Variants in DGKB observed in about 807,000 individuals in gnomAD.
The protein encoded by DGKB is 90 kDa diacylglycerol kinase.
DGKB carries 67 observed loss-of-function variants against 114.3 expected under a neutral mutation model. That is an observed-to-expected ratio of 0.59 (90% CI 0.48 to 0.72). DGKB has a LOEUF of 0.72. DGKB is among the 30% of genes least tolerant of loss of function. The pLI, the probability that DGKB is intolerant of heterozygous loss-of-function variation, is 0.00. For synonymous variants in DGKB, 398 were observed against 323.1 expected (o/e 1.23, Z -2.49); for missense variants, 907 against 975.2 (o/e 0.93, Z 0.93).
intron 4 of DGKB, among the ~76,000 whole-genome samples, chr7:14,739,342 G>C (rs745838181): frequency 5.9e-5 from 9 of 152,128 alleles, no homozygotes; most frequent in Non-Finnish European, 1.3e-4. Flanking sequence ...CTCAGACTAA[G>C]GGCTCACATG....
chr7:14,711,638 G>A (rs1025063601), intron 6 of DGKB, among the ~76,000 whole-genome samples: 11 of 152,114 alleles, frequency 7.2e-5, no homozygotes, highest in Non-Finnish European at 1.0e-4. Flanking sequence ...AGAGGTCTTA[G>A]AAATATAAAT....
intron 1 of DGKB, among the ~76,000 whole-genome samples, chr7:14,936,716 C>T (rs1587415264): frequency 6.6e-6 from 1 of 152,114 alleles, no homozygotes; most frequent in East Asian, 1.9e-4. Context: ...CTTAGACTTT[C>T]CTTTGGTAAA....
intron 1 of DGKB, among the ~76,000 whole-genome samples, chr7:14,885,022 G>A (rs1390901610): frequency 6.6e-6 from 1 of 151,940 alleles, no homozygotes; most frequent in Non-Finnish European, 1.5e-5. Flanking sequence ...TAGTTGAAAT[G>A]CTCTTAGACT....
chr7:14,152,887 G>A (rs1468941923), intron 25 of DGKB, among the ~76,000 whole-genome samples: 1 of 152,056 alleles, frequency 6.6e-6, no homozygotes, highest in African/African-American at 2.4e-5. Context: ...TGTGTGCTGA[G>A]CATTTTGCTA....
At chr7:14,924,061 G>T (rs923577012) in intron 1 of DGKB, among the ~76,000 whole-genome samples, 1 of 150,906 alleles carries the variant, frequency 6.6e-6, no homozygotes, top group Non-Finnish European at 1.5e-5. Context: ...CAGAAGGCAG[G>T]TCTGTCTTGA....
chr7:14,820,371 A>G (rs1447692987), intron 2 of DGKB, among the ~76,000 whole-genome samples: 1 of 152,170 alleles, frequency 6.6e-6, no homozygotes, highest in Non-Finnish European at 1.5e-5. Flanking sequence ...TGCTTGTGCC[A>G]TAGTGTATTG....
intron 16 of DGKB, among the ~76,000 whole-genome samples, chr7:14,611,876 A>G (rs1393016758): frequency 6.6e-6 from 1 of 151,714 alleles, no homozygotes; most frequent in Non-Finnish European, 1.5e-5. Context: ...AATATTCTGT[A>G]ATTTCCAATG....
At chr7:14,723,143 T>A (rs1354253145) in intron 5 of DGKB, among the ~76,000 whole-genome samples, 2 of 152,078 alleles carry the variant, frequency 1.3e-5, no homozygotes, top group Admixed American at 1.3e-4. Context: ...TGCACTAATC[T>A]AATGGTTATT....
chr7:14,313,702 G>A (rs1182626435), intron 23 of DGKB, among the ~76,000 whole-genome samples: 1 of 152,166 alleles, frequency 6.6e-6, no homozygotes, highest in South Asian at 2.1e-4. Flanking sequence ...GCGAGGCTGG[G>A]GGAGGGGCGC....
chr7:14,314,630 T>C (rs1305325826), intron 23 of DGKB, among the ~76,000 whole-genome samples: 3 of 152,222 alleles, frequency 2.0e-5, no homozygotes, highest in Non-Finnish European at 2.9e-5. Flanking sequence ...TACGGGACTA[T>C]GTGAAAAGAC....
intron 1 of DGKB, among the ~76,000 whole-genome samples, chr7:14,931,119 T>C (rs2128250868): frequency 6.6e-6 from 1 of 151,562 alleles, no homozygotes; most frequent in South Asian, 2.1e-4. Context: ...AGTATTTTTT[T>C]TTTTTTTTTT....
Position 14,787,337 on chromosome 7 carries a change from C to A in DGKB, c.71-29606G>T, listed in dbSNP as rs73276078. ...TAGAAATAAAGCTAAGTTCAGAGTC[C>A]TACTTATTACACAGAAATCTGCAAG... On this transcript the variant is annotated intron_variant, in intron 2 of 25. Transcript: ENST00000402815. 6.4e-3 allele frequency among the ~76,000 whole-genome samples: 967 copies of A among 152,206 alleles called. 12 individuals are homozygous for A. Among genetic ancestry groups the A allele is most frequent in the African/African-American group, 0.022 (910 of 41,524 alleles).
intron 1 of DGKB, among the ~76,000 whole-genome samples, chr7:14,844,031 C>G (rs1200648755): frequency 6.6e-6 from 1 of 152,146 alleles, no homozygotes; most frequent in Admixed American, 6.5e-5. Context: ...TCCAAGCCCA[C>G]CCAGTATCCA....
At chr7:14,340,225 A>G (rs1811389118) in intron 22 of DGKB, among the ~76,000 whole-genome samples, 1 of 147,776 alleles carries the variant, frequency 6.8e-6, no homozygotes, top group Non-Finnish European at 1.5e-5. Context: ...TACTAAATTA[A>G]GATGATTTCT....
At chr7:14,763,104 A>G (rs1244165475) in intron 2 of DGKB, among the ~76,000 whole-genome samples, 1 of 152,042 alleles carries the variant, frequency 6.6e-6, no homozygotes, top group African/African-American at 2.4e-5. Context: ...CCATTCATCC[A>G]ATTGTGAAGG....
intron 21 of DGKB, among the ~76,000 whole-genome samples, chr7:14,458,614 A>G (rs1584096807): frequency 6.6e-6 from 1 of 152,174 alleles, no homozygotes; most frequent in Non-Finnish European, 1.5e-5. Context: ...ACTCCCTCCC[A>G]TAGCCAAGGG....
At chr7:14,800,696 A>T (rs1760795489) in intron 2 of DGKB, among the ~76,000 whole-genome samples, 1 of 152,188 alleles carries the variant, frequency 6.6e-6, no homozygotes, top group Non-Finnish European at 1.5e-5. Context: ...TTCTATCAGG[A>T]GACCCAATGT....
chr7:14,345,460 T>C (rs770670299), intron 21 of DGKB, 69 bp from the exon 22 acceptor site: 44 of 762,674 alleles, frequency 5.8e-5, no homozygotes, highest in African/African-American at 3.2e-4. Flanking sequence ...AAAAATGGTC[T>C]AACTCTGTCT....
intron 21 of DGKB, among the ~76,000 whole-genome samples, chr7:14,354,153 AT>A (rs1214961061): frequency 6.6e-6 from 1 of 152,208 alleles, no homozygotes; most frequent in Admixed American, 6.5e-5. Context: ...CTGCAAAAAT[AT>A]TTAAGATATG....
Sources: allele counts gnomAD v4.1 joint callset (sites outside exome capture counted in the v4.1 genomes callset), GRCh38; gene constraint gnomAD v4.1.1; transcripts MANE v1.5; gene names NCBI Gene and HGNC (gene_info 2026-07-23, HGNC 2026-07-21).